ASTN2: variants seen among roughly 807,000 people sequenced by gnomAD.
ASTN2 encodes the protein astrotactin 2.
Under a neutral mutation model 139.8 loss-of-function variants are expected in ASTN2, and 54 were observed. The ratio of observed to expected loss-of-function variants is 0.39; its 90% CI spans 0.31 to 0.48. ASTN2 has a LOEUF of 0.48. ASTN2 is among the 20% of genes least tolerant of loss of function. The pLI is 0.95. For missense variants in ASTN2, 1,565 were observed against 1,725.1 expected (o/e 0.91, Z 1.64); for synonymous variants, 756 against 719.5 (o/e 1.05, Z -0.81).
chr9:116,530,111 AT>A (rs1281008275), intron 19 of ASTN2, among the ~76,000 whole-genome samples: 31 of 29,010 alleles, frequency 1.1e-3, no homozygotes, highest in Admixed American at 2.1e-3. Context: ...ATATATATAT[AT>A]ATATATATAT....
chr9:117,066,454 T>C (rs1449551912), intron 5 of ASTN2, among the ~76,000 whole-genome samples: 8 of 147,690 alleles, frequency 5.4e-5, no homozygotes, highest in Non-Finnish European at 9.0e-5. Context: ...GTCTTTGCTA[T>C]TGTGAATAAT....
At chr9:117,172,200 T>C (rs1429612126) in intron 3 of ASTN2, among the ~76,000 whole-genome samples, 1 of 152,172 alleles carries the variant, frequency 6.6e-6, no homozygotes, top group Non-Finnish European at 1.5e-5. Context: ...AGCAGAACTT[T>C]CTGTTACAAT....
At chr9:116,474,491 TCTGA>T (rs1203638360) in intron 20 of ASTN2, among the ~76,000 whole-genome samples, 1 of 152,106 alleles carries the variant, frequency 6.6e-6, no homozygotes, top group Non-Finnish European at 1.5e-5. Flanking sequence ...CCGTCTCACC[TCTGA>T]CTCTCTACAC....
At chr9:117,291,277 T>G (rs1394711815) in intron 2 of ASTN2, 49 bp downstream of exon 2, 1 of 1,599,862 alleles carries the variant, frequency 6.3e-7, no homozygotes, top group African/African-American at 1.3e-5. Context: ...CTCCACCCAT[T>G]CCTCCCCCAC....
At chr9:116,886,923 G>A (rs903705725) in intron 10 of ASTN2, among the ~76,000 whole-genome samples, 1 of 152,058 alleles carries the variant, frequency 6.6e-6, no homozygotes, top group African/African-American at 2.4e-5. Flanking sequence ...GGGAGCTGTG[G>A]TGGGGCATGC....
rs202218410 is a variant in ASTN2, at chr9:117,282,982, GTT to G, written c.630+8342_630+8343del. Among the ~76,000 whole-genome samples the G allele has an allele frequency of 2.0e-3, 259 of 130,946 alleles. 3 individuals are homozygous for G. Among genetic ancestry groups the G allele is most frequent in the Non-Finnish European group, 1.2e-3 (78 of 63,546 alleles). The allele number at this position is 130,946 out of a possible 152,430, so 85.9% of individuals were successfully genotyped here. On this transcript the variant is annotated intron_variant, in intron 2 of 22. Coordinates refer to ENST00000313400, the MANE Select transcript of ASTN2 (RefSeq NM_001365068.1). ...TCCCACTATATTTCATACTTCTACT[GTT>G]TTTTTTTTTTTTTGGAAACTCTTGC... is the stretch of plus-strand genomic sequence containing the variant.
intron 13 of ASTN2, among the ~76,000 whole-genome samples, chr9:116,766,653 G>A (rs532458970): frequency 1.0e-4 from 15 of 150,324 alleles, no homozygotes; most frequent in South Asian, 2.1e-4. Flanking sequence ...ACCCACATTC[G>A]CACTCACATA....
intron 1 of ASTN2, among the ~76,000 whole-genome samples, chr9:117,366,632 T>C (rs1829851372): frequency 2.0e-5 from 3 of 152,148 alleles, no homozygotes; most frequent in Non-Finnish European, 2.9e-5. Context: ...ATCTTCCTGA[T>C]TAGACTCCTG....
At position 117,096,052 on chromosome 9, in the gene ASTN2, C is replaced by A. The variant is rs149596951; in HGVS notation, c.1268G>T (p.Arg423Leu). 1 of 1,613,622 alleles carries A rather than the reference C, an allele frequency of 6.2e-7. No homozygotes were observed. The highest frequency in any genetic ancestry group is 8.5e-7 in the Non-Finnish European group (1 of 1,179,732). The change falls in exon 5 of 23, where the codon CGC becomes CTC. Residue 423 changes from arginine to leucine, a missense_variant. By Grantham distance (102) the Arg-to-Leu change is moderately radical. This residue lies in a region of ASTN2 where 596 missense variants were observed against 576.8 expected (regional missense o/e 1.03). Transcript: ENST00000313400. Reference protein sequence around the residue: ...FYTEQYRSRRRSKGLLKSPVN... With the variant: ...FYTEQYRSRRLSKGLLKSPVN... ...TCCAAGGACACTATTACCTTTGCTG[C>A]GGCGGCGACTGCGGTACTGCTCCGT... is the stretch of plus-strand genomic sequence containing the variant.
chr9:117,115,428 A>G (rs564706620), intron 4 of ASTN2, among the ~76,000 whole-genome samples: 32 of 152,154 alleles, frequency 2.1e-4, no homozygotes, highest in Admixed American at 9.8e-4. Context: ...GAGGCAGGAG[A>G]ATCACTTGAA....
rs539548374 is a variant in ASTN2, at chr9:116,849,168, C to A, written c.2040+14415G>T. Among the ~76,000 whole-genome samples the A allele has an allele frequency of 3.3e-5, 5 of 152,320 alleles. No homozygotes were observed. The South Asian group carries it at 1.0e-3, about 32-fold the overall frequency. ...GAGCACATCGTCCTCCAGGAACCCC[C>A]ATGTGTTCTACTCTCTGGAAACTCT... On this transcript the variant is annotated intron_variant, in intron 11 of 22. Coordinates refer to ENST00000313400, the MANE Select transcript of ASTN2 (RefSeq NM_001365068.1).
At chr9:116,442,923 C>T (rs1847881309) in intron 20 of ASTN2, among the ~76,000 whole-genome samples, 1 of 152,108 alleles carries the variant, frequency 6.6e-6, no homozygotes, top group Non-Finnish European at 1.5e-5. Flanking sequence ...TTTATATATT[C>T]ATTAATTTAC....
At chr9:116,534,455 G>C (rs948357745) in intron 19 of ASTN2, among the ~76,000 whole-genome samples, 1 of 152,092 alleles carries the variant, frequency 6.6e-6, no homozygotes, top group African/African-American at 2.4e-5. Context: ...TATGATGTTA[G>C]GGTGTCAATT....
chr9:117,258,163 G>A (rs1276937927), intron 2 of ASTN2, among the ~76,000 whole-genome samples: 1 of 152,154 alleles, frequency 6.6e-6, no homozygotes, highest in African/African-American at 2.4e-5. Context: ...CATGGGTCAT[G>A]AAGTTCAATT....
intron 10 of ASTN2, among the ~76,000 whole-genome samples, chr9:116,919,640 ATTTTTTTTTTTTTT>A (rs72054196): frequency 8.8e-6 from 1 of 113,568 alleles, no homozygotes; most frequent in Admixed American, 9.6e-5. Flanking sequence ...CAAAAACATC[ATTTTTTTTTTTTTT>A]TTTTTTTTTA....
chr9:116,996,394 G>A (rs980542731), intron 7 of ASTN2, among the ~76,000 whole-genome samples: 4 of 151,988 alleles, frequency 2.6e-5, no homozygotes, highest in Non-Finnish European at 5.9e-5. Context: ...ATATGTGAAG[G>A]CTTTGAAGAG....
intron 16 of ASTN2, chr9:116,697,231 T>C (rs1479594275): frequency 1.2e-5 from 2 of 161,388 alleles, no homozygotes; most frequent in Admixed American, 5.7e-5. Flanking sequence ...TCACCAAATA[T>C]GAAAATAATC....
At chr9:117,127,415 T>A (rs1461547106) in intron 4 of ASTN2, among the ~76,000 whole-genome samples, 4 of 152,134 alleles carry the variant, frequency 2.6e-5, no homozygotes, top group Non-Finnish European at 4.4e-5. Context: ...TATAACTAGA[T>A]CACACATAGG....
At chr9:117,385,886 T>A (rs569909861) in intron 1 of ASTN2, among the ~76,000 whole-genome samples, 1 of 151,940 alleles carries the variant, frequency 6.6e-6, no homozygotes, top group Non-Finnish European at 1.5e-5. Flanking sequence ...CAAAAGAGGA[T>A]GAAGCTGGGG....
Sources: allele counts gnomAD v4.1 joint callset (sites outside exome capture counted in the v4.1 genomes callset), GRCh38; gene constraint gnomAD v4.1.1; regional missense constraint gnomAD v4.1.1; transcripts MANE v1.5; gene names NCBI Gene and HGNC (gene_info 2026-07-23, HGNC 2026-07-21).